Variants in TMTC2 observed in about 807,000 individuals in gnomAD.
TMTC2 encodes the protein protein O-mannosyl-transferase TMTC2.
TMTC2 carries 43 observed loss-of-function variants against 82.4 expected under a neutral mutation model. The ratio of observed to expected loss-of-function variants is 0.52; its 90% CI spans 0.41 to 0.67. The LOEUF (loss-of-function observed/expected upper bound fraction) is 0.67, where lower values mean the gene tolerates loss of function less well. Among genes scored for constraint, TMTC2 ranks in the 30% least tolerant of loss-of-function variants. The probability of loss-of-function intolerance (pLI) is 0.00; values close to 1 mark genes in which losing one functional copy is unlikely to be tolerated. For synonymous variants in TMTC2, 408 were observed against 381.9 expected, an observed-to-expected ratio of 1.07 and a Z score of -0.80; for missense variants, 919 against 1,012.4, an observed-to-expected ratio of 0.91 and a Z score of 1.25.
intron 4 of TMTC2, among the ~76,000 whole-genome samples, chr12:82,937,978 G>T (rs1285631576): frequency 6.9e-6 from 1 of 145,688 alleles, no homozygotes; most frequent in Non-Finnish European, 1.5e-5. Flanking sequence ...GCAGTGGCGT[G>T]ATCTCAGCTC....
At chr12:83,072,837 G>A (rs1271453124) in intron 11 of TMTC2, among the ~76,000 whole-genome samples, 1 of 151,806 alleles carries the variant, frequency 6.6e-6, no homozygotes, top group Non-Finnish European at 1.5e-5. Context: ...ATTTTTTGTT[G>A]CCCATTCTCA....
At chr12:83,106,375 T>C (rs1884396201) in intron 11 of TMTC2, among the ~76,000 whole-genome samples, 1 of 151,916 alleles carries the variant, frequency 6.6e-6, no homozygotes, top group Non-Finnish European at 1.5e-5. Flanking sequence ...GGTGCATCCC[T>C]GTAATCCCAG....
At chr12:83,091,296 A>G (rs1160408852) in intron 11 of TMTC2, among the ~76,000 whole-genome samples, 1 of 152,222 alleles carries the variant, frequency 6.6e-6, no homozygotes, top group Non-Finnish European at 1.5e-5. Context: ...ATTTTACTCT[A>G]TAAATAAATA....
intron 1 of TMTC2, among the ~76,000 whole-genome samples, chr12:82,729,777 G>T (rs1467472979): frequency 6.6e-6 from 1 of 152,210 alleles, no homozygotes; most frequent in Non-Finnish European, 1.5e-5. Flanking sequence ...TGCTGTGGTA[G>T]CTTTGTTCTT....
At chr12:83,124,142 C>G (rs1885037534) in intron 11 of TMTC2, among the ~76,000 whole-genome samples, 1 of 152,142 alleles carries the variant, frequency 6.6e-6, no homozygotes, top group South Asian at 2.1e-4. Context: ...ATAGTAAATG[C>G]CAAGTATGTA....
At chr12:82,801,992 G>A (rs531194386) in intron 1 of TMTC2, among the ~76,000 whole-genome samples, 14 of 152,134 alleles carry the variant, frequency 9.2e-5, no homozygotes, top group African/African-American at 2.2e-4. Context: ...GATCCTGCAC[G>A]GGGGCACAGG....
chr12:82,945,485 T>C (rs1449343984), intron 4 of TMTC2, among the ~76,000 whole-genome samples: 1 of 152,248 alleles, frequency 6.6e-6, no homozygotes, highest in African/African-American at 2.4e-5. Flanking sequence ...CCTGTTTTAA[T>C]GCCTTTTGTT....
intron 1 of TMTC2, among the ~76,000 whole-genome samples, chr12:82,696,876 A>G (rs973049077): frequency 3.3e-5 from 5 of 151,536 alleles, no homozygotes; most frequent in Non-Finnish European, 5.9e-5. Flanking sequence ...TTCAAATTCA[A>G]ATTCCCAGTT....
chr12:82,960,479 A>G (rs908372317), intron 4 of TMTC2, among the ~76,000 whole-genome samples: 4 of 152,098 alleles, frequency 2.6e-5, no homozygotes, highest in African/African-American at 9.7e-5. Flanking sequence ...TTGCTGTAAC[A>G]TGGCTGCAGC....
intron 8 of TMTC2, among the ~76,000 whole-genome samples, chr12:82,987,292 T>C (rs1879191833): frequency 6.6e-6 from 1 of 151,654 alleles, no homozygotes; most frequent in African/African-American, 2.4e-5. Flanking sequence ...AGGGTGGTAA[T>C]GCGTCCCTGT....
chr12:82,988,327 A>C (rs1879256079), intron 8 of TMTC2, among the ~76,000 whole-genome samples: 1 of 152,306 alleles, frequency 6.6e-6, no homozygotes, highest in South Asian at 2.1e-4. Context: ...AATCTGGCTT[A>C]CATCAAAGAA....
At chr12:82,925,711 G>C (rs1875664850) in intron 3 of TMTC2, among the ~76,000 whole-genome samples, 1 of 152,122 alleles carries the variant, frequency 6.6e-6, no homozygotes, top group African/African-American at 2.4e-5. Flanking sequence ...CATATAAAAT[G>C]GTAAACTTAA....
At chr12:83,095,688 T>C (rs1044599224) in intron 11 of TMTC2, among the ~76,000 whole-genome samples, 2 of 152,162 alleles carry the variant, frequency 1.3e-5, no homozygotes, top group Non-Finnish European at 2.9e-5. Context: ...AGTTACCTAA[T>C]GATAACATGT....
rs149190122 is a variant in TMTC2, at chr12:82,981,848, A to G, written c.1949-4077A>G. 3.3e-4 allele frequency among the ~76,000 whole-genome samples: 50 copies of G among 151,930 alleles called. 1 individual carries two copies. The East Asian group carries it at 9.1e-3, about 28-fold the overall frequency. ...TTTAACCAAGCTTGTAGAATCCCATATATACCACTCTGTCCTAAAACTAAA... is the reference window on the plus strand; with the variant it reads ...TTTAACCAAGCTTGTAGAATCCCATGTATACCACTCTGTCCTAAAACTAAA... On this transcript the variant is annotated intron_variant, in intron 7 of 11. Transcript: ENST00000321196.
intron 2 of TMTC2, among the ~76,000 whole-genome samples, chr12:82,883,070 A>C (rs1310592413): frequency 2.3e-5 from 3 of 128,942 alleles, no homozygotes; most frequent in African/African-American, 8.1e-5. Context: ...AAAAAAAAAA[A>C]AAAAAAAAAA....
intron 8 of TMTC2, among the ~76,000 whole-genome samples, chr12:83,004,750 T>TGAG: frequency 1.7e-5 from 2 of 116,638 alleles, no homozygotes; most frequent in African/African-American, 7.0e-5. Context: ...TTTTTTTTTT[T>TGAG]TTTTTTTTTT....
intron 11 of TMTC2, among the ~76,000 whole-genome samples, chr12:83,063,341 A>G (rs908974540): frequency 4.6e-5 from 7 of 151,628 alleles, no homozygotes; most frequent in Non-Finnish European, 7.4e-5. Flanking sequence ...AAGGAACCAT[A>G]CTTTGGGTGG....
intron 1 of TMTC2, among the ~76,000 whole-genome samples, chr12:82,825,942 G>T (rs1284408516): frequency 6.6e-6 from 1 of 152,054 alleles, no homozygotes; most frequent in Non-Finnish European, 1.5e-5. Context: ...GAAAGAGAGA[G>T]TACACAAATT....
At chr12:82,946,750 T>TTC (rs1217789193) in intron 4 of TMTC2, among the ~76,000 whole-genome samples, 2 of 149,854 alleles carry the variant, frequency 1.3e-5, no homozygotes, top group African/African-American at 4.9e-5. Flanking sequence ...CTTTTCTTTT[T>TTC]TTTTTTTTTG....
Sources: gnomAD v4.1 joint callset for allele counts (sites outside exome capture counted in the v4.1 genomes callset) on GRCh38, gnomAD v4.1.1 for gene constraint, MANE v1.5 for transcripts, NCBI Gene and HGNC (gene_info 2026-07-23, HGNC 2026-07-21) for gene names.